The following MRPS9 variants were observed in gnomAD, a reference collection of about 807,000 sequenced individuals.
MRPS9 encodes mitochondrial ribosomal protein S9, also known as small ribosomal subunit protein uS9m.
In MRPS9, 45 loss-of-function variants were observed where a neutral mutation model predicts 59.9. That is an observed-to-expected ratio of 0.75 (90% confidence interval 0.59 to 0.96). The LOEUF is 0.96. Among genes scored for constraint, MRPS9 ranks in the 40% least tolerant of loss-of-function variants. The pLI is 0.00. For synonymous variants in MRPS9, 171 were observed against 166.8 expected, an observed-to-expected ratio of 1.03 and a Z score of -0.19; for missense variants, 473 against 481.1, an observed-to-expected ratio of 0.98 and a Z score of 0.16.
At position 105,049,252 on chromosome 2, in the gene MRPS9, T is replaced by C. The variant is rs763411120; in HGVS notation, c.217T>C (p.Phe73Leu). 7 of 1,613,402 alleles carry C rather than the reference T, an allele frequency of 4.3e-6. No homozygotes were observed. The South Asian group carries it at 5.5e-5, about 13-fold the overall frequency. Residue 73 changes from phenylalanine to leucine, a missense_variant, in exon 2 of 11, where the codon TTT becomes CTT. Transcript: ENST00000258455. The part of the protein sequence containing the change: ...TSKRETYTED[F>L]IKKQIEEFNI... ...AAAACGTGAAACTTACACAGAGGAT[T>C]TTATTAAAAAGCAGATTGAAGAGTT...
chr2:105,048,086 G>A (rs1344438221), intron 1 of MRPS9, among the ~76,000 whole-genome samples: 1 of 151,984 alleles, frequency 6.6e-6, no homozygotes, highest in African/African-American at 2.4e-5. Context: ...CAATAGCAAA[G>A]ACTTGGAACC....
chr2:105,044,711 A>G (rs558172805), intron 1 of MRPS9, among the ~76,000 whole-genome samples: 49 of 152,338 alleles, frequency 3.2e-4, no homozygotes, highest in African/African-American at 1.2e-3. Flanking sequence ...TTTTAAATCA[A>G]GTGAAAAACC....
At chr2:105,099,009 A>G (rs1454220913) in intron 10 of MRPS9, among the ~76,000 whole-genome samples, 1 of 152,222 alleles carries the variant, frequency 6.6e-6, no homozygotes, top group Non-Finnish European at 1.5e-5. Context: ...GATTGGGAGA[A>G]TGAAAGTTTC....
intron 1 of MRPS9, among the ~76,000 whole-genome samples, chr2:105,045,190 G>C (rs1182519581): frequency 6.6e-6 from 1 of 152,096 alleles, no homozygotes; most frequent in Non-Finnish European, 1.5e-5. Context: ...GAATAAGTCA[G>C]TAAGAATTCA....
At chr2:105,045,777 T>C (rs943675363) in intron 1 of MRPS9, among the ~76,000 whole-genome samples, 2 of 152,034 alleles carry the variant, frequency 1.3e-5, no homozygotes, top group Non-Finnish European at 2.9e-5. Context: ...ACAGACATTG[T>C]ATGGATATAG....
chr2:105,053,314 T>C (rs1679744322), intron 2 of MRPS9, among the ~76,000 whole-genome samples: 1 of 152,200 alleles, frequency 6.6e-6, no homozygotes, highest in Non-Finnish European at 1.5e-5. Context: ...ATAATTTAAT[T>C]CAATTACATA....
In MRPS9 at chr2:105,049,196, T is replaced by A. The variant is rs1449231896; in HGVS notation, c.161T>A (p.Phe54Tyr). The A allele has an allele frequency of 6.2e-7, 1 of 1,608,434 alleles. No homozygotes were observed. The highest frequency in any genetic ancestry group is 1.1e-5 in the South Asian group (1 of 90,272). Residue 54 changes from phenylalanine (F) to tyrosine (Y), a missense_variant, in exon 2 of 11, where the codon TTT becomes TAT. Phe to Tyr is a conservative substitution (Grantham distance 22). Coordinates refer to ENST00000258455, the MANE Select transcript of MRPS9 (RefSeq NM_182640.3). Reference sequence around the variant, plus strand: ...ATATTAAGGCTAAGACATACTGCATTTGTAATACCAAAGAAAAACGTTCCT... The same window carrying A: ...ATATTAAGGCTAAGACATACTGCATATGTAATACCAAAGAAAAACGTTCCT... ...SQILRLRHTAFVIPKKNVPTS... is the reference protein window; with the variant it reads ...SQILRLRHTAYVIPKKNVPTS...
At chr2:105,087,835 T>TTCCTTCCTTCCTTC (rs1553443593) in intron 5 of MRPS9, among the ~76,000 whole-genome samples, 2 of 74,686 alleles carry the variant, frequency 2.7e-5, no homozygotes, top group Non-Finnish European at 5.9e-5. Context: ...TTCCTTCCTT[T>TTCCTTCCTTCCTTC]GATTCCTCAA....
rs989667196 is a variant in MRPS9, at chr2:105,038,332, C to T, written c.135+105C>T. ...TCTCGCGTGCCTTCAGGCAGGGACT[C>T]TAGGATCTTAGGTATTTAGTGGAGG... On this transcript the variant is annotated intron_variant, in intron 1 of 10. Transcript: ENST00000258455. 7 of 1,445,852 alleles carry T rather than the reference C, an allele frequency of 4.8e-6. No individual in the cohort carries two copies. In the African/African-American group the frequency reaches 9.9e-5, roughly 20 times the overall value. The allele number at this position is 1,445,852 out of a possible 1,614,324, so 89.6% of individuals were successfully genotyped here. A position where few individuals can be genotyped will look rare whatever the true frequency, so the allele number is the denominator to read the frequency against.
In MRPS9 at chr2:105,097,756, A is replaced by G. The variant is rs539629519; in HGVS notation, c.1099+432A>G. Reference sequence around the variant, plus strand: ...CTCTCTGTCAGCCAGGCTGGAGTGCAGTGGTATTATCATAGCTAGCTGCAG... The same window carrying G: ...CTCTCTGTCAGCCAGGCTGGAGTGCGGTGGTATTATCATAGCTAGCTGCAG... On this transcript the variant is annotated intron_variant, in intron 10 of 10. Coordinates refer to ENST00000258455, the MANE Select transcript of MRPS9 (RefSeq NM_182640.3). Among the ~76,000 whole-genome samples, 4 of 152,342 alleles carry G rather than the reference A, an allele frequency of 2.6e-5. No homozygotes were observed. In the East Asian group the frequency reaches 5.8e-4, roughly 22 times the overall value.
chr2:105,041,380 G>A (rs1240701600), intron 1 of MRPS9, among the ~76,000 whole-genome samples: 1 of 152,154 alleles, frequency 6.6e-6, no homozygotes, highest in African/African-American at 2.4e-5. Flanking sequence ...CACTTTCCTA[G>A]TGCTTAAATA....
At chr2:105,091,454 T>A (rs531888454) in intron 7 of MRPS9, 18 of 461,528 alleles carry the variant, frequency 3.9e-5, no homozygotes, top group Non-Finnish European at 8.1e-5. Flanking sequence ...ATTTCACCCT[T>A]ACTAGAAGAG....
rs1680753862 is a variant in MRPS9, at chr2:105,099,856, T to C, written c.*95T>C. On this transcript the variant is annotated 3_prime_UTR_variant, in exon 11 of 11. Transcript: ENST00000258455. ...TAATGGCTGACCAGCATGAGGGCAG[T>C]ACTGTCAGAAATTTCTTTGAGCTGT... 1.0e-6 allele frequency: 1 copy of C among 991,864 alleles called. No homozygotes were observed. Among genetic ancestry groups the C allele is most frequent in the Admixed American group, 2.5e-5 (1 of 39,910 alleles). 61.4% of individuals were successfully genotyped at this position (991,864 alleles called of 1,614,324 possible).
rs372555938 is a variant in MRPS9 at position 105,094,545 on chromosome 2, ATAGG to A, written c.929+908_929+911del. On this transcript the variant is annotated intron_variant, in intron 9 of 10. Coordinates refer to ENST00000258455, the MANE Select transcript of MRPS9 (RefSeq NM_182640.3). ...AAACTCTTTTGATACCAATGCTGAT[ATAGG>A]CAAAAGAGGACCCTCCTAATACAGT... Among the ~76,000 whole-genome samples the A allele has an allele frequency of 4.2e-3, 641 of 152,332 alleles. 5 individuals are homozygous for A. Among genetic ancestry groups the A allele is most frequent in the African/African-American group, 0.015 (607 of 41,576 alleles).
intron 5 of MRPS9, among the ~76,000 whole-genome samples, chr2:105,083,929 ACT>A (rs1680395533): frequency 6.6e-6 from 1 of 151,736 alleles, no homozygotes; most frequent in Admixed American, 6.6e-5. Flanking sequence ...AATATTGAAA[ACT>A]CTATATATTG....
At chr2:105,047,043 A>G (rs1275558497) in intron 1 of MRPS9, among the ~76,000 whole-genome samples, 1 of 151,970 alleles carries the variant, frequency 6.6e-6, no homozygotes, top group East Asian at 1.9e-4. Context: ...GGGAACCACT[A>G]TGGTAGGGAG....
chr2:105,055,988 CTAAT>C (rs1213417306), intron 2 of MRPS9, among the ~76,000 whole-genome samples: 1 of 152,114 alleles, frequency 6.6e-6, no homozygotes, highest in Non-Finnish European at 1.5e-5. Context: ...TAGCTTTTCT[CTAAT>C]TATTTAGTTT....
At position 105,046,775 on chromosome 2, in the gene MRPS9, A is replaced by G. The variant is rs141714241; in HGVS notation, c.136-2396A>G. 5.6e-3 allele frequency among the ~76,000 whole-genome samples: 845 copies of G among 151,894 alleles called. 11 individuals are homozygous for G. Among genetic ancestry groups the G allele is most frequent in the African/African-American group, 0.019 (793 of 41,372 alleles). ...ATTAGGGTTGTTTTAGCTGTGAACA[A>G]AAACATTTTGTCATGTTATCTATAA... On this transcript the variant is annotated intron_variant, in intron 1 of 10. Transcript: ENST00000258455.
At chr2:105,069,492 C>T (rs112546729) in intron 2 of MRPS9, among the ~76,000 whole-genome samples, 1,586 of 152,268 alleles carry the variant, frequency 0.01, 24 homozygotes, top group African/African-American at 0.037. Context: ...GGATGACAGG[C>T]GTGAGCCACC....
Sources: allele counts gnomAD v4.1 joint callset (sites outside exome capture counted in the v4.1 genomes callset), GRCh38; gene constraint gnomAD v4.1.1; transcripts MANE v1.5; gene names NCBI Gene and HGNC (gene_info 2026-07-23, HGNC 2026-07-21).